The following ELOVL5 variants were observed in gnomAD, a reference collection of about 807,000 sequenced individuals.
ELOVL5 encodes ELOVL fatty acid elongase 5.
In ELOVL5, 8 loss-of-function variants were observed where a neutral mutation model predicts 38.6. The ratio of observed to expected loss-of-function variants is 0.21; its 90% CI spans 0.12 to 0.37. The LOEUF (loss-of-function observed/expected upper bound fraction) is 0.37. ELOVL5 is among the 10% of genes least tolerant of loss of function. The pLI, the probability that ELOVL5 is intolerant of heterozygous loss-of-function variation, is 1.00. For missense variants in ELOVL5, 280 were observed against 367.8 expected (o/e 0.76, Z 1.95); for synonymous variants, 127 against 133.7 (o/e 0.95, Z 0.34).
chr6:53,321,083 C>G (rs1196674471), intron 1 of ELOVL5, among the ~76,000 whole-genome samples: 1 of 152,218 alleles, frequency 6.6e-6, no homozygotes, highest in African/African-American at 2.4e-5. Flanking sequence ...AGAAGCTCAT[C>G]CATGCTTGTG....
chr6:53,345,964 T>C (rs1377105446), intron 1 of ELOVL5, among the ~76,000 whole-genome samples: 2 of 152,206 alleles, frequency 1.3e-5, no homozygotes, highest in East Asian at 1.9e-4. Context: ...TACATAGGTA[T>C]ACATGTGCCA....
chr6:53,322,884 CATA>C (rs1768355217), intron 1 of ELOVL5, among the ~76,000 whole-genome samples: 1 of 152,180 alleles, frequency 6.6e-6, no homozygotes, highest in Non-Finnish European at 1.5e-5. Context: ...ATTATGAAAC[CATA>C]ATATTCTTCC....
At chr6:53,280,915 G>A (rs753344638) in intron 3 of ELOVL5, among the ~76,000 whole-genome samples, 2 of 152,074 alleles carry the variant, frequency 1.3e-5, no homozygotes, top group Non-Finnish European at 2.9e-5. Flanking sequence ...CATTTTTAAC[G>A]GTGAGTTGAC....
chr6:53,343,148 G>C (rs2127595575), intron 1 of ELOVL5, among the ~76,000 whole-genome samples: 1 of 152,218 alleles, frequency 6.6e-6, no homozygotes, highest in South Asian at 2.1e-4. Context: ...CCAGCAGCTT[G>C]CTGCTGCTGC....
chr6:53,320,685 G>A (rs1317406265), intron 1 of ELOVL5, among the ~76,000 whole-genome samples: 1 of 152,044 alleles, frequency 6.6e-6, no homozygotes, highest in African/African-American at 2.4e-5. Context: ...ACATAGCATA[G>A]TAGAAAAGGC....
chr6:53,273,924 G>A (rs1231337579), intron 5 of ELOVL5, among the ~76,000 whole-genome samples: 2 of 152,186 alleles, frequency 1.3e-5, no homozygotes, highest in East Asian at 1.9e-4. Context: ...AGGACCACTA[G>A]TTCTTTTTCC....
chr6:53,294,351 G>A (rs1581942408), intron 2 of ELOVL5: 2 of 1,573,616 alleles, frequency 1.3e-6, no homozygotes, highest in East Asian at 2.3e-5. Flanking sequence ...AAAGAGCTCT[G>A]GGAAACAACT....
chr6:53,298,161 G>A lies in ELOVL5; in HGVS notation c.-8-2454C>T, dbSNP rs80106577. 3.9e-3 allele frequency among the ~76,000 whole-genome samples: 598 copies of A among 152,246 alleles called. 5 individuals carry two copies. The highest frequency in any genetic ancestry group is 0.014 in the African/African-American group (578 of 41,538). On this transcript the variant is annotated intron_variant, in intron 1 of 7. Transcript: ENST00000304434. ...ACTAACACAATTTAATTTCATCTAT[G>A]ATGTATGGTGGGCCATGTATATGGA...
At chr6:53,307,146 C>T (rs183101570) in intron 1 of ELOVL5, among the ~76,000 whole-genome samples, 540 of 152,324 alleles carry the variant, frequency 3.5e-3, no homozygotes, top group African/African-American at 0.011. Context: ...TTGTGTCAAG[C>T]AGTATTGCTT....
At position 53,314,177 on chromosome 6, in the gene ELOVL5, T is replaced by A. The variant is rs78483775; in HGVS notation, c.-8-18470A>T. On this transcript the variant is annotated intron_variant, in intron 1 of 7. Coordinates refer to ENST00000304434, the MANE Select transcript of ELOVL5 (RefSeq NM_021814.5). ...ACATTTTAGTGGAACTGCAAGGATT[T>A]TAGCAAGTCATGTTAATGTAACTGA... Among the ~76,000 whole-genome samples, 127 of 152,382 alleles carry A rather than the reference T, an allele frequency of 8.3e-4. No homozygotes were observed. The East Asian group carries it at 0.02, about 24-fold the overall frequency.
At chr6:53,316,773 C>G (rs1234854804) in intron 1 of ELOVL5, among the ~76,000 whole-genome samples, 1 of 150,622 alleles carries the variant, frequency 6.6e-6, no homozygotes, top group Non-Finnish European at 1.5e-5. Context: ...AGTGAGGAAG[C>G]ATGGGGGCTG....
At chr6:53,274,678 T>C (rs984318273) in intron 5 of ELOVL5, among the ~76,000 whole-genome samples, 12 of 152,318 alleles carry the variant, frequency 7.9e-5, no homozygotes, top group African/African-American at 2.9e-4. Context: ...ATGTGGAGAC[T>C]TCCTAATGCA....
At chr6:53,313,139 A>G (rs1767908678) in intron 1 of ELOVL5, among the ~76,000 whole-genome samples, 1 of 152,204 alleles carries the variant, frequency 6.6e-6, no homozygotes, top group African/African-American at 2.4e-5. Context: ...AATCCTCCTG[A>G]TTAAAATGTA....
intron 1 of ELOVL5, among the ~76,000 whole-genome samples, chr6:53,301,022 C>T (rs951843969): frequency 6.6e-6 from 1 of 152,144 alleles, no homozygotes; most frequent in Admixed American, 6.5e-5. Flanking sequence ...GGCTGGCCTG[C>T]CCTGTTAAGT....
intron 1 of ELOVL5, among the ~76,000 whole-genome samples, chr6:53,311,222 C>T (rs529988587): frequency 1.3e-5 from 2 of 152,298 alleles, no homozygotes; most frequent in South Asian, 4.1e-4. Flanking sequence ...CTGTGGCTGT[C>T]CTACCTGGTA....
chr6:53,285,811 G>A (rs1188974599), intron 3 of ELOVL5, among the ~76,000 whole-genome samples: 2 of 151,980 alleles, frequency 1.3e-5, no homozygotes, highest in African/African-American at 4.8e-5. Flanking sequence ...TTGCTATGTT[G>A]CCCAGGCTGG....
At chr6:53,330,485 T>G (rs1768747014) in intron 1 of ELOVL5, among the ~76,000 whole-genome samples, 1 of 151,434 alleles carries the variant, frequency 6.6e-6, no homozygotes, top group African/African-American at 2.4e-5. Context: ...TAAATTAACC[T>G]TAGTTTATGG....
rs138722333 is a variant in ELOVL5 at position 53,310,492 on chromosome 6, G to A, written c.-8-14785C>T. Among the ~76,000 whole-genome samples, 583 of 152,320 alleles carry A rather than the reference G, an allele frequency of 3.8e-3. 2 individuals are homozygous for A. The highest frequency in any genetic ancestry group is 0.012 in the African/African-American group (515 of 41,564). On this transcript the variant is annotated intron_variant, in intron 1 of 7. Coordinates refer to ENST00000304434, the MANE Select transcript of ELOVL5 (RefSeq NM_021814.5). ...ATCAAAAAATTTTCGGGCACACTGG[G>A]AAGACTTAATCACATTACTTACTGT...
chr6:53,315,009 G>C (rs1171412943), intron 1 of ELOVL5, among the ~76,000 whole-genome samples: 2 of 152,184 alleles, frequency 1.3e-5, no homozygotes, highest in East Asian at 3.8e-4. Flanking sequence ...AATTGCAACT[G>C]GGTTGGAGAA....
Sources: allele counts gnomAD v4.1 joint callset (sites outside exome capture counted in the v4.1 genomes callset), GRCh38; gene constraint gnomAD v4.1.1; transcripts MANE v1.5; gene names NCBI Gene and HGNC (gene_info 2026-07-23, HGNC 2026-07-21).